ARHGAP6: variants seen among roughly 807,000 people sequenced by gnomAD.
The protein encoded by ARHGAP6 is rho GTPase-activating protein 6.
Under a neutral mutation model 55.7 loss-of-function variants are expected in ARHGAP6, and 16 were observed. The observed-to-expected ratio is 0.29, with a 90% confidence interval of 0.19 to 0.44. ARHGAP6 has a LOEUF of 0.44. Among genes scored for constraint, ARHGAP6 ranks in the 20% least tolerant of loss-of-function variants. The probability of loss-of-function intolerance (pLI) is 1.00; values close to 1 mark genes in which losing one functional copy is unlikely to be tolerated. For synonymous variants in ARHGAP6, 382 were observed against 360.9 expected, an observed-to-expected ratio of 1.06 and a Z score of -0.66; for missense variants, 698 against 808.9, an observed-to-expected ratio of 0.86 and a Z score of 1.66.
At chrX:11,225,766 A>G (rs1443387478) in intron 2 of ARHGAP6, 1 of 477,352 alleles carries the variant, frequency 2.1e-6, no homozygotes, top group Non-Finnish European at 3.3e-6. Flanking sequence ...GGTCTGTTCT[A>G]TTTGGTAACA....
intron 2 of ARHGAP6, among the ~76,000 whole-genome samples, chrX:11,250,892 C>A (rs1287264549): frequency 8.9e-6 from 1 of 112,015 alleles, no homozygotes; most frequent in African/African-American, 3.2e-5. Context: ...ATTTTGCCTA[C>A]TACAGATATA....
chrX:11,343,125 G>C (rs2048727356), intron 1 of ARHGAP6, among the ~76,000 whole-genome samples: 1 of 112,533 alleles, frequency 8.9e-6, no homozygotes, highest in Non-Finnish European at 1.9e-5. Flanking sequence ...TGTATCCAAA[G>C]CTAAGGGAAT....
intron 1 of ARHGAP6, among the ~76,000 whole-genome samples, chrX:11,378,080 G>T (rs983110747): frequency 8.9e-6 from 1 of 111,851 alleles, no homozygotes; most frequent in Non-Finnish European, 1.9e-5. Context: ...GGTTCGCTGC[G>T]TATAGTGTCA....
intron 1 of ARHGAP6, among the ~76,000 whole-genome samples, chrX:11,310,542 T>C (rs1383552808): frequency 7.2e-5 from 8 of 111,859 alleles, no homozygotes; most frequent in Non-Finnish European, 9.4e-5. Flanking sequence ...TACTACAACA[T>C]GGATGAACCC....
chrX:11,361,309 T>C (rs1603129093), intron 1 of ARHGAP6, among the ~76,000 whole-genome samples: 1 of 109,993 alleles, frequency 9.1e-6, no homozygotes, highest in Non-Finnish European at 1.9e-5. Flanking sequence ...AACAGAGATA[T>C]AGATCAATGG....
chrX:11,570,508 AG>A (rs757485875), intron 1 of ARHGAP6, among the ~76,000 whole-genome samples: 58 of 111,011 alleles, frequency 5.2e-4, no homozygotes, highest in African/African-American at 1.8e-3. Context: ...GAGTGCTTAC[AG>A]TGTCCTAGGA....
intron 10 of ARHGAP6, among the ~76,000 whole-genome samples, chrX:11,154,668 G>C (rs1037054952): frequency 8.9e-6 from 1 of 111,917 alleles, no homozygotes; most frequent in Non-Finnish European, 1.9e-5. Context: ...AAATGGAAAT[G>C]CCAGCATGTC....
intron 2 of ARHGAP6, among the ~76,000 whole-genome samples, chrX:11,239,812 T>G (rs765295290): frequency 8.9e-6 from 1 of 112,226 alleles, no homozygotes; most frequent in Non-Finnish European, 1.9e-5. Context: ...TACATATATA[T>G]GTACATATAA....
intron 1 of ARHGAP6, chrX:11,335,882 C>T (rs1025649186): frequency 2.9e-4 from 53 of 180,934 alleles, no homozygotes; most frequent in Non-Finnish European, 4.9e-4. Flanking sequence ...CTAGAGGACA[C>T]GGCTGGAGTG....
At chrX:11,410,065 G>T (rs749572384) in intron 1 of ARHGAP6, among the ~76,000 whole-genome samples, 22 of 112,163 alleles carry the variant, frequency 2.0e-4, no homozygotes, top group Non-Finnish European at 3.6e-4. Context: ...CACTCTGGCG[G>T]CTCCTCAAAT....
chrX:11,475,248 T>G (rs897820371), intron 1 of ARHGAP6, among the ~76,000 whole-genome samples: 2 of 111,342 alleles, frequency 1.8e-5, no homozygotes, highest in Non-Finnish European at 3.8e-5. Context: ...AATACTGTGA[T>G]AACACATCCT....
At chrX:11,290,826 T>A (rs778715775) in intron 1 of ARHGAP6, among the ~76,000 whole-genome samples, 2 of 111,966 alleles carry the variant, frequency 1.8e-5, no homozygotes, top group East Asian at 2.8e-4. Flanking sequence ...AAAATAAGTG[T>A]CACAAAACCG....
At chrX:11,235,342 C>A (rs2047184377) in intron 2 of ARHGAP6, among the ~76,000 whole-genome samples, 1 of 112,820 alleles carries the variant, frequency 8.9e-6, no homozygotes, top group Non-Finnish European at 1.9e-5. Flanking sequence ...ACTCAGGGCA[C>A]CATGTCCTAA....
intron 1 of ARHGAP6, among the ~76,000 whole-genome samples, chrX:11,544,996 G>C (rs775125190): frequency 8.9e-6 from 1 of 111,991 alleles, no homozygotes; most frequent in Non-Finnish European, 1.9e-5. Flanking sequence ...TATGTTTAAC[G>C]TTCAGCTGGA....
intron 1 of ARHGAP6, among the ~76,000 whole-genome samples, chrX:11,410,495 A>G (rs777634981): frequency 8.9e-6 from 1 of 112,179 alleles, no homozygotes; most frequent in East Asian, 2.8e-4. Flanking sequence ...ATAAAAAGAG[A>G]GTGACTGCCA....
chrX:11,577,669 C>CT (rs759099485), intron 1 of ARHGAP6, among the ~76,000 whole-genome samples: 2 of 111,509 alleles, frequency 1.8e-5, no homozygotes, highest in African/African-American at 6.5e-5. Flanking sequence ...CCAATGATAT[C>CT]TTTTTTCAGA....
intron 1 of ARHGAP6, among the ~76,000 whole-genome samples, chrX:11,598,498 T>A (rs751093199): frequency 2.2e-4 from 25 of 112,048 alleles, no homozygotes; most frequent in South Asian, 1.5e-3. Context: ...CCATACCCCC[T>A]CCTTTCCTCC....
chrX:11,422,743 G>A (rs753377553), intron 1 of ARHGAP6, among the ~76,000 whole-genome samples: 1 of 112,534 alleles, frequency 8.9e-6, no homozygotes, highest in South Asian at 3.7e-4. Context: ...AATAATAAAA[G>A]TTCATCACCA....
chrX:11,573,877 G>T (rs2051562817), intron 1 of ARHGAP6, among the ~76,000 whole-genome samples: 1 of 111,146 alleles, frequency 9.0e-6, no homozygotes, highest in Non-Finnish European at 1.9e-5. Context: ...AGTGGTTTGT[G>T]GTTCTCCTTG....
Sources: gnomAD v4.1 joint callset for allele counts (sites outside exome capture counted in the v4.1 genomes callset) on GRCh38, gnomAD v4.1.1 for gene constraint, MANE v1.5 for transcripts, NCBI Gene and HGNC (gene_info 2026-07-23, HGNC 2026-07-21) for gene names.